Variants in VSTM2A observed in about 807,000 individuals in gnomAD.
VSTM2A encodes V-set and transmembrane domain containing 2A.
In VSTM2A, 13 loss-of-function variants were observed where a neutral mutation model predicts 27.3. The ratio of observed to expected loss-of-function variants is 0.48; its 90% confidence interval spans 0.31 to 0.76. The LOEUF (loss-of-function observed/expected upper bound fraction) is 0.76. VSTM2A is among the 30% of genes least tolerant of loss of function. The probability of loss-of-function intolerance (pLI) is 0.05; values close to 1 mark genes in which losing one functional copy is unlikely to be tolerated. For synonymous variants in VSTM2A, 142 were observed against 125.7 expected (o/e 1.13, Z -0.87); for missense variants, 280 against 310.0 (o/e 0.90, Z 0.73).
At chr7:54,547,795 C>G (rs59992720) in intron 3 of VSTM2A, among the ~76,000 whole-genome samples, 1 of 151,868 alleles carries the variant, frequency 6.6e-6, no homozygotes, top group Non-Finnish European at 1.5e-5. Context: ...TCCCAATGAC[C>G]TACATTTTAA....
At chr7:54,561,396 C>G (rs544708397) in intron 4 of VSTM2A, among the ~76,000 whole-genome samples, 2 of 149,900 alleles carry the variant, frequency 1.3e-5, no homozygotes, top group African/African-American at 5.0e-5. Flanking sequence ...GAAAACAACT[C>G]CAGACTGCCT....
intron 2 of VSTM2A, chr7:54,546,156 G>C (rs1026891531): frequency 6.6e-6 from 1 of 151,554 alleles, no homozygotes; most frequent in Non-Finnish European, 1.5e-5. Context: ...AGGGAGAGGA[G>C]AGAAGGAGAG....
chr7:54,548,942 A>C (rs1049966291), intron 3 of VSTM2A, among the ~76,000 whole-genome samples: 4 of 151,402 alleles, frequency 2.6e-5, no homozygotes, highest in Non-Finnish European at 4.4e-5. Context: ...TATGAACCCT[A>C]TCATTGTCTC....
intron 3 of VSTM2A, among the ~76,000 whole-genome samples, chr7:54,547,755 T>A (rs1257039167): frequency 6.6e-5 from 10 of 152,188 alleles, no homozygotes; most frequent in African/African-American, 2.4e-4. Context: ...CATAAACATA[T>A]TGTTATTATT....
intron 4 of VSTM2A, chr7:54,553,782 A>G: frequency 6.6e-7 from 1 of 1,524,330 alleles, no homozygotes; most frequent in Non-Finnish European, 8.8e-7. Flanking sequence ...CGCAGAGAAC[A>G]CAGGACTCAA....
Position 54,549,836 on chromosome 7 carries a change from A to T in VSTM2A, c.300A>T (p.Thr100=). 6.4e-7 allele frequency: 1 copy of T among 1,572,166 alleles called. No individual in the cohort carries two copies. The highest frequency in any genetic ancestry group is 8.6e-7 in the Non-Finnish European group (1 of 1,160,768). ...DPDSDGTKIS[T]VKVQGNDISH... is the part of the protein sequence containing the mutation. ...TTTTTTTACCTGCAATTTTTCAGAC[A>T]GTGAAAGTCCAAGGCAATGACATCT... The change falls in exon 4 of 5, where the codon ACA becomes ACT. Residue 100 remains threonine, a splice_region_variant and synonymous_variant. Transcript: ENST00000402613.
chr7:54,547,758 T>A (rs1788050497), intron 3 of VSTM2A, among the ~76,000 whole-genome samples: 1 of 152,196 alleles, frequency 6.6e-6, no homozygotes, highest in African/African-American at 2.4e-5. Context: ...AAACATATTG[T>A]TATTATTTGT....
intron 4 of VSTM2A, chr7:54,558,670 G>A (rs1317613197): frequency 6.6e-6 from 1 of 151,948 alleles, no homozygotes; most frequent in Non-Finnish European, 1.5e-5. Context: ...AACAAGCCTG[G>A]AAAGCTCGAA....
At chr7:54,566,929 G>A (rs1788743548) in intron 4 of VSTM2A, among the ~76,000 whole-genome samples, 1 of 152,176 alleles carries the variant, frequency 6.6e-6, no homozygotes, top group African/African-American at 2.4e-5. Flanking sequence ...TAACATGTTT[G>A]ATAAGAAGTA....
At chr7:54,554,606 A>C (rs1201404454) in intron 4 of VSTM2A, among the ~76,000 whole-genome samples, 2 of 152,228 alleles carry the variant, frequency 1.3e-5, no homozygotes, top group Non-Finnish European at 2.9e-5. Flanking sequence ...TAAAGTATGA[A>C]GAAGTGAGCT....
Position 54,546,684 on chromosome 7 carries a change from G to A in VSTM2A, c.247-263G>A, listed in dbSNP as rs897815444. 10 of 415,516 alleles carry A rather than the reference G, an allele frequency of 2.4e-5. No homozygotes were observed. The East Asian group carries it at 3.8e-4, about 16-fold the overall frequency. 25.7% of individuals were successfully genotyped at this position (415,516 alleles called of 1,614,324 possible). A position where few individuals can be genotyped will look rare whatever the true frequency, so the allele number is the denominator to read the frequency against. On this transcript the variant is annotated intron_variant, in intron 2 of 4. Transcript: ENST00000402613. The stretch of plus-strand genomic sequence containing the variant: ...ATCCGCGCGGCAGGGACAGCGCCGG[G>A]ACAGCGCCGGGACAGCCCCGGGACA...
chr7:54,542,583 C>A lies in VSTM2A; in HGVS notation c.-148C>A. On this transcript the variant is annotated 5_prime_UTR_variant, in exon 1 of 5. Coordinates refer to ENST00000402613, the MANE Select transcript of VSTM2A (RefSeq NM_001301009.2). ...TTCCAGAATCGCAATCCCTTCTCCC[C>A]ACAGCCAGCCCTCGCCAAGCAAGCA... The A allele has an allele frequency of 2.9e-6, 2 of 688,598 alleles. No homozygotes were observed. The allele number at this position is 688,598 out of a possible 1,614,324, so 42.7% of individuals were successfully genotyped here.
chr7:54,564,779 T>C (rs1788669374), intron 4 of VSTM2A, among the ~76,000 whole-genome samples: 1 of 152,182 alleles, frequency 6.6e-6, no homozygotes, highest in Non-Finnish European at 1.5e-5. Flanking sequence ...AAAATAATAG[T>C]GGAGCCAGGT....
At chr7:54,554,686 T>C (rs534560794) in intron 4 of VSTM2A, among the ~76,000 whole-genome samples, 8 of 152,290 alleles carry the variant, frequency 5.3e-5, no homozygotes, top group Non-Finnish European at 8.8e-5. Context: ...AGCCAGCCAC[T>C]GTGGAAGCAG....
intron 4 of VSTM2A, among the ~76,000 whole-genome samples, chr7:54,560,648 C>A (rs916137342): frequency 6.6e-6 from 1 of 152,026 alleles, no homozygotes; most frequent in Admixed American, 6.5e-5. Context: ...AATTCAGAAT[C>A]CTATAGGTAT....
intron 3 of VSTM2A, among the ~76,000 whole-genome samples, chr7:54,548,574 C>G (rs949336510): frequency 1.3e-5 from 2 of 152,048 alleles, no homozygotes; most frequent in African/African-American, 4.8e-5. Flanking sequence ...ACCCAAACAC[C>G]CCAAGCCTCA....
intron 2 of VSTM2A, among the ~76,000 whole-genome samples, chr7:54,545,545 T>G (rs1248238938): frequency 2.7e-3 from 71 of 26,544 alleles, no homozygotes; most frequent in Admixed American, 4.1e-3. Flanking sequence ...AGAATTGGAG[T>G]GGGGAGGGGA....
At chr7:54,543,848 A>G (rs573845934) in intron 1 of VSTM2A, among the ~76,000 whole-genome samples, 4 of 152,206 alleles carry the variant, frequency 2.6e-5, no homozygotes, top group Admixed American at 6.5e-5. Context: ...GGAAGGAAAC[A>G]TTATATTTTT....
At chr7:54,542,904 T>C in intron 1 of VSTM2A, 95 bp downstream of exon 1, 2 of 1,202,858 alleles carry the variant, frequency 1.7e-6, no homozygotes, top group South Asian at 1.4e-5. Context: ...ATAAGCTTCC[T>C]AGCAAGTAAC....
Sources: allele counts gnomAD v4.1 joint callset (sites outside exome capture counted in the v4.1 genomes callset), GRCh38; gene constraint gnomAD v4.1.1; transcripts MANE v1.5; gene names NCBI Gene and HGNC (gene_info 2026-07-23, HGNC 2026-07-21).